The following ARHGEF28 variants were observed in gnomAD, a reference collection of about 807,000 sequenced individuals.
ARHGEF28 encodes the protein 190 kDa guanine nucleotide exchange factor.
In ARHGEF28, 152 loss-of-function variants were observed where a neutral mutation model predicts 206.6. The observed-to-expected ratio is 0.74, with a 90% CI of 0.64 to 0.84. The LOEUF is 0.84. Ranked by LOEUF, ARHGEF28 falls within the 40% of genes least tolerant of loss-of-function variation. The probability of loss-of-function intolerance (pLI) is 0.00; values close to 1 mark genes in which losing one functional copy is unlikely to be tolerated. For synonymous variants in ARHGEF28, 763 were observed against 776.4 expected (o/e 0.98, Z 0.29); for missense variants, 2,028 against 2,073.2 (o/e 0.98, Z 0.42).
chr5:73,830,290 A>T (rs1382746785), intron 9 of ARHGEF28, among the ~76,000 whole-genome samples: 1 of 152,202 alleles, frequency 6.6e-6, no homozygotes, highest in East Asian at 1.9e-4. Flanking sequence ...GTGGTGGCTC[A>T]TGCCTGTAAT....
At chr5:73,668,698 C>T (rs1399764715) in intron 1 of ARHGEF28, among the ~76,000 whole-genome samples, 3 of 137,110 alleles carry the variant, frequency 2.2e-5, no homozygotes, top group Non-Finnish European at 3.1e-5. Flanking sequence ...AAAATGCAGA[C>T]AAAAGAGAGA....
intron 2 of ARHGEF28, among the ~76,000 whole-genome samples, chr5:73,744,163 G>A (rs1751594813): frequency 6.6e-6 from 1 of 152,162 alleles, no homozygotes; most frequent in Non-Finnish European, 1.5e-5. Flanking sequence ...GTCAATATCT[G>A]TATTTGTATA....
intron 11 of ARHGEF28, among the ~76,000 whole-genome samples, chr5:73,845,680 T>G (rs901471264): frequency 6.6e-6 from 1 of 152,120 alleles, no homozygotes; most frequent in African/African-American, 2.4e-5. Flanking sequence ...TCAAACCAGC[T>G]TTTGTTTCTT....
At position 73,846,797 on chromosome 5, in the gene ARHGEF28, G is replaced by A. The variant is rs7726733; in HGVS notation, c.1635+322G>A. Among the ~76,000 whole-genome samples the A allele has an allele frequency of 6.5e-3, 990 of 152,272 alleles. 9 individuals are homozygous for A. The highest frequency in any genetic ancestry group is 0.022 in the African/African-American group (909 of 41,564). ...TCTCTTAAGCAAAGGGAGAAAAACC[G>A]ATAGTATTAAATGAGTTTAAGTGAT... On this transcript the variant is annotated intron_variant, in intron 12 of 35. Transcript: ENST00000513042.
chr5:73,935,524 T>C (rs961389313), intron 35 of ARHGEF28, among the ~76,000 whole-genome samples: 2 of 152,194 alleles, frequency 1.3e-5, no homozygotes, highest in African/African-American at 2.4e-5. Flanking sequence ...GTATGATAAA[T>C]GTTTTCCATT....
chr5:73,940,765 T>G, intron 35 of ARHGEF28, 79 bp from the exon 36 acceptor site: 1 of 1,257,238 alleles, frequency 8.0e-7, no homozygotes, highest in Non-Finnish European at 1.0e-6. Flanking sequence ...TTCCTAATCT[T>G]AGAGAGCTCT....
At chr5:73,898,128 A>G in intron 30 of ARHGEF28, 35 bp downstream of exon 30, 2 of 1,605,248 alleles carry the variant, frequency 1.2e-6, no homozygotes, top group Non-Finnish European at 1.7e-6. Context: ...AATGAGCCTG[A>G]GCACAGTCCC....
intron 10 of ARHGEF28, among the ~76,000 whole-genome samples, chr5:73,833,228 A>T (rs1757411210): frequency 6.6e-6 from 1 of 152,318 alleles, no homozygotes; most frequent in South Asian, 2.1e-4. Context: ...TTATAAACTG[A>T]CTTTAAAACT....
intron 7 of ARHGEF28, among the ~76,000 whole-genome samples, chr5:73,782,534 G>A (rs554340895): frequency 2.0e-5 from 3 of 152,280 alleles, no homozygotes; most frequent in South Asian, 4.1e-4. Flanking sequence ...GGCCCATCCC[G>A]ACTGCATATG....
intron 2 of ARHGEF28, among the ~76,000 whole-genome samples, chr5:73,723,622 A>G (rs536471228): frequency 6.6e-6 from 1 of 152,342 alleles, no homozygotes; most frequent in East Asian, 1.9e-4. Context: ...TGAAGGGGGA[A>G]GAAAAGAACA....
chr5:73,730,875 C>G (rs762020212), intron 2 of ARHGEF28, among the ~76,000 whole-genome samples: 6 of 151,896 alleles, frequency 4.0e-5, no homozygotes, highest in Non-Finnish European at 8.8e-5. Context: ...TTTACTTGCT[C>G]TGTGTTGAGT....
At chr5:73,647,132 A>G (rs539373063) in intron 1 of ARHGEF28, among the ~76,000 whole-genome samples, 1 of 152,362 alleles carries the variant, frequency 6.6e-6, no homozygotes, top group Admixed American at 6.5e-5. Context: ...ACATAATGCC[A>G]CAAGAGGAAA....
chr5:73,901,068 T>C (rs1350020380), intron 30 of ARHGEF28, 116 bp from the exon 31 acceptor site: 15 of 756,684 alleles, frequency 2.0e-5, no homozygotes, highest in Non-Finnish European at 3.1e-5. Flanking sequence ...CAATATGTAT[T>C]ATTTTGTGGT....
Position 73,832,323 on chromosome 5 carries a change from A to G in ARHGEF28, c.1025-15A>G. On this transcript the variant is annotated splice_polypyrimidine_tract_variant and intron_variant, in intron 9 of 35. Coordinates refer to ENST00000513042, the MANE Select transcript of ARHGEF28 (RefSeq NM_001177693.2). Reference sequence around the variant, plus strand: ...CTTCTCCTTTATTTGCCCTGTTTTCATTTTTGTACTCTAGATCGCTCCTTC... The same window carrying G: ...CTTCTCCTTTATTTGCCCTGTTTTCGTTTTTGTACTCTAGATCGCTCCTTC... 1 of 1,611,890 alleles carries G rather than the reference A, an allele frequency of 6.2e-7. No homozygotes were observed. The highest frequency in any genetic ancestry group is 1.3e-5 in the African/African-American group (1 of 74,990).
rs1293523274 is a variant in ARHGEF28 at position 73,864,799 on chromosome 5, C to T, written c.2048-18C>T. On this transcript the variant is annotated intron_variant, in intron 16 of 35. Transcript: ENST00000513042. ...TTAAGTAAGATGGATGCTTTTGTAT[C>T]TTTTCCCTTTATTTCAGACTGTAAT... 1 of 1,608,272 alleles carries T rather than the reference C, an allele frequency of 6.2e-7. No homozygotes were observed. Among genetic ancestry groups the T allele is most frequent in the Admixed American group, 1.7e-5 (1 of 59,466 alleles).
In ARHGEF28 at chr5:73,840,765, G is replaced by A. The variant is rs1295352729; in HGVS notation, c.1427+5G>A. The stretch of plus-strand genomic sequence containing the variant: ...AAGTCATCTAAAGAAAAGAAGGTAA[G>A]AGTCTATATTGTAGAGGAAAACTGT... On this transcript the variant is annotated splice_donor_5th_base_variant and intron_variant, in intron 11 of 35. Transcript: ENST00000513042. 1.2e-6 allele frequency: 2 copies of A among 1,603,338 alleles called. No individual in the cohort carries two copies. The highest frequency in any genetic ancestry group is 1.3e-5 in the African/African-American group (1 of 74,884).
intron 9 of ARHGEF28, among the ~76,000 whole-genome samples, chr5:73,824,198 T>C (rs184013499): frequency 7.2e-5 from 11 of 152,340 alleles, no homozygotes; most frequent in Admixed American, 5.9e-4. Context: ...AAGTAAAGGA[T>C]TAAACAGTAA....
At chr5:73,759,651 A>T (rs1299568007) in intron 4 of ARHGEF28, among the ~76,000 whole-genome samples, 1 of 152,196 alleles carries the variant, frequency 6.6e-6, no homozygotes, top group African/African-American at 2.4e-5. Context: ...GGAACAGTAG[A>T]TGTTTGGTCC....
chr5:73,657,112 G>T (rs1447079168), intron 1 of ARHGEF28, among the ~76,000 whole-genome samples: 1 of 144,342 alleles, frequency 6.9e-6, no homozygotes, highest in Non-Finnish European at 1.5e-5. Flanking sequence ...GGCAGAGTTT[G>T]CAGTGAGCCG....
Sources: allele counts gnomAD v4.1 joint callset (sites outside exome capture counted in the v4.1 genomes callset), GRCh38; gene constraint gnomAD v4.1.1; transcripts MANE v1.5; gene names NCBI Gene and HGNC (gene_info 2026-07-23, HGNC 2026-07-21).